The following ITPRID1 variants were observed in gnomAD, a reference collection of about 807,000 sequenced individuals.
ITPRID1 encodes the protein protein ITPRID1.
Under a neutral mutation model 95.4 loss-of-function variants are expected in ITPRID1, and 96 were observed. The observed-to-expected ratio is 1.01, with a 90% CI of 0.85 to 1.19. The LOEUF is 1.19. Among genes scored for constraint, ITPRID1 ranks in the 50% most tolerant of loss-of-function variants. The probability of loss-of-function intolerance (pLI) is 0.00; values close to 1 mark genes in which losing one functional copy is unlikely to be tolerated. For missense variants in ITPRID1, 1,339 were observed against 1,252.9 expected (o/e 1.07, Z -1.04); for synonymous variants, 510 against 453.6 (o/e 1.12, Z -1.58).
In ITPRID1 at chr7:31,655,956, A is replaced by T. The variant is rs893955113; in HGVS notation, c.*3127A>T. 4.1e-6 allele frequency: 4 copies of T among 985,216 alleles called. No homozygotes were observed. The highest frequency in any genetic ancestry group is 2.4e-6 in the Non-Finnish European group (2 of 829,876). 61.0% of individuals were successfully genotyped at this position (985,216 alleles called of 1,614,324 possible). On this transcript the variant is annotated 3_prime_UTR_variant, in exon 15 of 15. Coordinates refer to ENST00000615280, the MANE Select transcript of ITPRID1 (RefSeq NM_001257967.3). ...CATTTCCTGCTCATCCCTCAGATGA[A>T]TCTCCAATTCTATTCCCCTAAACCA... is the stretch of plus-strand genomic sequence containing the variant.
intron 1 of ITPRID1, among the ~76,000 whole-genome samples, chr7:31,547,235 G>A (rs1158107155): frequency 6.6e-6 from 1 of 152,208 alleles, no homozygotes; most frequent in South Asian, 2.1e-4. Flanking sequence ...TAGCATTGGA[G>A]ATGGTTGGTC....
intron 10 of ITPRID1, among the ~76,000 whole-genome samples, chr7:31,634,111 A>G (rs1485127683): frequency 6.6e-6 from 1 of 152,154 alleles, no homozygotes; most frequent in Non-Finnish European, 1.5e-5. Context: ...CCATCTGGTG[A>G]TTATTCCCAC....
chr7:31,606,655 CTATT>C, intron 10 of ITPRID1, among the ~76,000 whole-genome samples: 2 of 152,206 alleles, frequency 1.3e-5, no homozygotes, highest in East Asian at 3.9e-4. Context: ...GTCCATTAGA[CTATT>C]TCTTTCAAAT....
At chr7:31,658,619 G>A, downstream of ITPRID1, 1 of 261,424 alleles carries the variant, frequency 3.8e-6, no homozygotes, top group Non-Finnish European at 7.1e-6. Context: ...TAAAAGCCTT[G>A]TTAAATTGTT....
intron 10 of ITPRID1, among the ~76,000 whole-genome samples, chr7:31,617,376 A>G (rs1787354832): frequency 6.6e-6 from 1 of 152,218 alleles, no homozygotes; most frequent in Non-Finnish European, 1.5e-5. Flanking sequence ...TCATACCTCT[A>G]TGTAGTATTA....
At chr7:31,541,649 A>G (rs898270954) in intron 1 of ITPRID1, among the ~76,000 whole-genome samples, 3 of 152,186 alleles carry the variant, frequency 2.0e-5, no homozygotes, top group Non-Finnish European at 4.4e-5. Flanking sequence ...AACCCAAAGA[A>G]AGCCAAATAC....
intron 10 of ITPRID1, among the ~76,000 whole-genome samples, chr7:31,584,174 G>A (rs562029652): frequency 6.6e-6 from 1 of 152,264 alleles, no homozygotes; most frequent in African/African-American, 2.4e-5. Context: ...GCAAAATACA[G>A]CAGATGAAGC....
intron 10 of ITPRID1, among the ~76,000 whole-genome samples, chr7:31,608,758 C>T (rs560080588): frequency 2.6e-5 from 4 of 151,552 alleles, no homozygotes; most frequent in Non-Finnish European, 3.0e-5. Context: ...AATTCTATAG[C>T]GGATTTTTAT....
chr7:31,641,578 T>C (rs566942965), intron 10 of ITPRID1, among the ~76,000 whole-genome samples: 2 of 152,292 alleles, frequency 1.3e-5, no homozygotes, highest in South Asian at 2.1e-4. Flanking sequence ...AATCTACAGA[T>C]AGATTTAACA....
At chr7:31,582,514 G>A (rs995020009) in intron 9 of ITPRID1, among the ~76,000 whole-genome samples, 1 of 152,068 alleles carries the variant, frequency 6.6e-6, no homozygotes, top group African/African-American at 2.4e-5. Flanking sequence ...GCCTCCCAAA[G>A]TGTTGAGATT....
At chr7:31,566,716 A>G (rs1361239045) in intron 5 of ITPRID1, among the ~76,000 whole-genome samples, 1 of 152,240 alleles carries the variant, frequency 6.6e-6, no homozygotes, top group Non-Finnish European at 1.5e-5. Context: ...CGGTGCTTGC[A>G]TCTATGACAT....
intron 1 of ITPRID1, among the ~76,000 whole-genome samples, chr7:31,540,521 A>T (rs1230869431): frequency 6.6e-6 from 1 of 152,304 alleles, no homozygotes; most frequent in South Asian, 2.1e-4. Context: ...TTGAAACACA[A>T]TTTTCTCTCT....
At chr7:31,581,824 G>C (rs1373830154) in intron 9 of ITPRID1, among the ~76,000 whole-genome samples, 2 of 151,844 alleles carry the variant, frequency 1.3e-5, no homozygotes, top group East Asian at 3.9e-4. Flanking sequence ...GAAAATGCAT[G>C]TGATGTGCAC....
Position 31,549,515 on chromosome 7 carries a change from A to G in ITPRID1, c.-24+16A>G. Reference sequence around the variant, plus strand: ...AATATGAGTGGTGATTGTTTTGGATATATTTTTCATTAAATTTTCCCAAAA... The same window carrying G: ...AATATGAGTGGTGATTGTTTTGGATGTATTTTTCATTAAATTTTCCCAAAA... On this transcript the variant is annotated intron_variant, in intron 2 of 14. Coordinates refer to ENST00000615280, the MANE Select transcript of ITPRID1 (RefSeq NM_001257967.3). 1.3e-6 allele frequency: 2 copies of G among 1,513,294 alleles called. No homozygotes were observed. Among genetic ancestry groups the G allele is most frequent in the Non-Finnish European group, 1.8e-6 (2 of 1,132,124 alleles). 93.7% of individuals were successfully genotyped at this position (1,513,294 alleles called of 1,614,324 possible).
At chr7:31,533,955 G>A (rs915559667) in intron 1 of ITPRID1, among the ~76,000 whole-genome samples, 2 of 152,166 alleles carry the variant, frequency 1.3e-5, no homozygotes, top group Non-Finnish European at 2.9e-5. Flanking sequence ...CCAGCAGAAG[G>A]TGAGTGGCAG....
At chr7:31,600,795 A>C (rs1190652006) in intron 10 of ITPRID1, among the ~76,000 whole-genome samples, 1 of 152,118 alleles carries the variant, frequency 6.6e-6, no homozygotes, top group African/African-American at 2.4e-5. Context: ...TTGTCTCTCA[A>C]CATGCATGCC....
chr7:31,545,718 A>T (rs1442246262), intron 1 of ITPRID1, among the ~76,000 whole-genome samples: 1 of 152,056 alleles, frequency 6.6e-6, no homozygotes, highest in Non-Finnish European at 1.5e-5. Context: ...AGCACCCTTC[A>T]CATATTTTGT....
At chr7:31,621,033 G>C (rs1787825630) in intron 10 of ITPRID1, among the ~76,000 whole-genome samples, 1 of 151,872 alleles carries the variant, frequency 6.6e-6, no homozygotes, top group African/African-American at 2.4e-5. Flanking sequence ...TGAATGAAAT[G>C]AAGCAAGAAG....
intron 2 of ITPRID1, among the ~76,000 whole-genome samples, chr7:31,549,998 A>G (rs1267857279): frequency 6.6e-6 from 1 of 152,162 alleles, no homozygotes; most frequent in Non-Finnish European, 1.5e-5. Flanking sequence ...AGTGAAAAGG[A>G]GCATGTATGG....
Sources: allele counts gnomAD v4.1 joint callset (sites outside exome capture counted in the v4.1 genomes callset), GRCh38; gene constraint gnomAD v4.1.1; transcripts MANE v1.5; gene names NCBI Gene and HGNC (gene_info 2026-07-23, HGNC 2026-07-21).